KIF26B: variants seen among roughly 807,000 people sequenced by gnomAD.
The protein encoded by KIF26B is kinesin-like protein KIF26B.
KIF26B carries 63 observed loss-of-function variants against 151.2 expected under a neutral mutation model. That is an observed-to-expected ratio of 0.42 (90% CI 0.34 to 0.51). The LOEUF is 0.51. Ranked by LOEUF, KIF26B falls within the 20% of genes least tolerant of loss-of-function variation. KIF26B has a pLI of 0.07. For synonymous variants in KIF26B, 1,357 were observed against 1,262.1 expected, an observed-to-expected ratio of 1.08 and a Z score of -1.59; for missense variants, 2,813 against 2,913.6, an observed-to-expected ratio of 0.97 and a Z score of 0.79.
intron 5 of KIF26B, among the ~76,000 whole-genome samples, chr1:245,583,308 G>GAGT (rs2043194593): frequency 6.6e-6 from 1 of 152,156 alleles, no homozygotes; most frequent in Admixed American, 6.5e-5. Context: ...TTGTGGAGAT[G>GAGT]AGTAACACAC....
chr1:245,664,243 C>T (rs769481309), intron 10 of KIF26B, among the ~76,000 whole-genome samples: 4 of 151,756 alleles, frequency 2.6e-5, no homozygotes, highest in Non-Finnish European at 5.9e-5. Context: ...TGGCGGGCGC[C>T]TGTAATCCCA....
At chr1:245,326,351 T>C (rs1189762590) in intron 2 of KIF26B, among the ~76,000 whole-genome samples, 1 of 152,216 alleles carries the variant, frequency 6.6e-6, no homozygotes, top group South Asian at 2.1e-4. Flanking sequence ...TTAGGGTTAC[T>C]CAGCCAAGAA....
chr1:245,443,853 T>C (rs376300713), intron 4 of KIF26B, among the ~76,000 whole-genome samples: 3 of 35,840 alleles, frequency 8.4e-5, no homozygotes, highest in South Asian at 1.7e-3. Flanking sequence ...TCTCCCTCAC[T>C]GTTCACCCTG....
At position 245,346,232 on chromosome 1, in the gene KIF26B, C is replaced by T. The variant is rs570532301; in HGVS notation, c.466-20602C>T. ...TGCTGGGATAACAGGCGTGAGCCACCGCACCTGGCCCTCAGGTATTTTTTT... is the reference window on the plus strand; with the variant it reads ...TGCTGGGATAACAGGCGTGAGCCACTGCACCTGGCCCTCAGGTATTTTTTT... On this transcript the variant is annotated intron_variant, in intron 2 of 14. Transcript: ENST00000407071. Among the ~76,000 whole-genome samples the T allele has an allele frequency of 5.9e-5, 9 of 151,996 alleles. No homozygotes were observed. The East Asian group carries it at 9.7e-4, about 16-fold the overall frequency.
At chr1:245,447,626 A>G (rs948819199) in intron 4 of KIF26B, among the ~76,000 whole-genome samples, 5 of 152,072 alleles carry the variant, frequency 3.3e-5, no homozygotes, top group Admixed American at 3.3e-4. Flanking sequence ...CAAAATGAGG[A>G]CTAGATAAAA....
At chr1:245,623,050 T>G (rs11585622) in intron 9 of KIF26B, among the ~76,000 whole-genome samples, 49,412 of 131,332 alleles carry the variant, frequency 0.38, 6,024 homozygotes, top group African/African-American at 0.47. Context: ...TTTTTTTTTT[T>G]TTGTTGTTTT....
chr1:245,319,605 C>CT (rs1647610254), intron 2 of KIF26B, among the ~76,000 whole-genome samples: 1 of 151,886 alleles, frequency 6.6e-6, no homozygotes, highest in African/African-American at 2.4e-5. Flanking sequence ...TTTGTCCTCT[C>CT]GTGTGTGTGT....
intron 3 of KIF26B, among the ~76,000 whole-genome samples, chr1:245,402,260 T>C (rs968427305): frequency 1.3e-5 from 2 of 152,222 alleles, no homozygotes; most frequent in African/African-American, 4.8e-5. Context: ...TTCAAGTGGC[T>C]TATTGTAGGT....
intron 3 of KIF26B, among the ~76,000 whole-genome samples, chr1:245,404,004 G>A (rs1445519478): frequency 1.3e-5 from 2 of 152,106 alleles, no homozygotes; most frequent in Non-Finnish European, 2.9e-5. Context: ...CCAGACTCTG[G>A]ATCTGAGAAG....
In KIF26B at chr1:245,597,612, G is replaced by A. The variant is rs1023498898; in HGVS notation, c.1351-4965G>A. On this transcript the variant is annotated intron_variant, in intron 5 of 14. Coordinates refer to ENST00000407071, the MANE Select transcript of KIF26B (RefSeq NM_018012.4). The surrounding 1 kb of genome is among the most constrained non-coding windows in gnomAD (Gnocchi z 4.6). ...GAATCTGACGATTTTGTGTCTTGGG[G>A]TTGCTCTTCTCGAGGAGTATCTTTT... Among the ~76,000 whole-genome samples, 1 of 152,218 alleles carries A rather than the reference G, an allele frequency of 6.6e-6. No homozygotes were observed. Among genetic ancestry groups the A allele is most frequent in the South Asian group, 2.1e-4 (1 of 4,820 alleles).
At chr1:245,554,601 T>G (rs1021908114) in intron 5 of KIF26B, among the ~76,000 whole-genome samples, 2 of 151,966 alleles carry the variant, frequency 1.3e-5, no homozygotes, top group African/African-American at 4.8e-5. Context: ...ATTATGGCCA[T>G]CACTCCGGCT....
Position 245,336,171 on chromosome 1 carries a change from C to T in KIF26B, c.466-30663C>T, listed in dbSNP as rs562489958. ...CCATGCAGGGAAAGAAGGTCCCACGCAGGGAAAGGAGAGTCCCACGCAGGG... is the reference window on the plus strand; with the variant it reads ...CCATGCAGGGAAAGAAGGTCCCACGTAGGGAAAGGAGAGTCCCACGCAGGG... On this transcript the variant is annotated intron_variant, in intron 2 of 14. Transcript: ENST00000407071. Among the ~76,000 whole-genome samples the T allele has an allele frequency of 4.3e-4, 65 of 151,514 alleles. No homozygotes were observed. The South Asian group carries it at 0.013, about 29-fold the overall frequency.
chr1:245,687,567 C>T lies in KIF26B; in HGVS notation c.4584C>T (p.Pro1528=). 1 of 1,565,618 alleles carries T rather than the reference C, an allele frequency of 6.4e-7. No homozygotes were observed. Among genetic ancestry groups the T allele is most frequent in the Non-Finnish European group, 8.7e-7 (1 of 1,155,574 alleles). ...PGLATQSPVH[P]NKSVKSSSLP... is the part of the protein sequence containing the mutation. Reference sequence around the variant, plus strand: ...TGGCCACCCAGAGCCCCGTGCATCCCAACAAAAGCGTCAAGTCCAGCAGCC... The same window carrying T: ...TGGCCACCCAGAGCCCCGTGCATCCTAACAAAAGCGTCAAGTCCAGCAGCC... The change falls in exon 12 of 15, where the codon CCC becomes CCT. Residue 1528 remains proline (P), a synonymous_variant. Coordinates refer to ENST00000407071, the MANE Select transcript of KIF26B (RefSeq NM_018012.4). The surrounding 1 kb of genome is among the most constrained non-coding windows in gnomAD (Gnocchi z 4.9).
At chr1:245,278,017 G>T (rs1325383135) in intron 2 of KIF26B, among the ~76,000 whole-genome samples, 3 of 152,124 alleles carry the variant, frequency 2.0e-5, no homozygotes, top group Admixed American at 6.5e-5. Context: ...ATTAGGAAGG[G>T]GTGGGGTGAA....
chr1:245,172,721 A>G (rs1668735216), intron 2 of KIF26B, among the ~76,000 whole-genome samples: 1 of 152,142 alleles, frequency 6.6e-6, no homozygotes. Context: ...GAGGCAGGAG[A>G]ATTGCTTGAA....
intron 2 of KIF26B, among the ~76,000 whole-genome samples, chr1:245,356,298 G>C (rs1672698835): frequency 6.6e-6 from 1 of 152,194 alleles, no homozygotes. Flanking sequence ...GCTCATGCCT[G>C]TATTCCCAGC....
At chr1:245,521,897 G>A (rs763219929) in intron 4 of KIF26B, among the ~76,000 whole-genome samples, 8 of 147,736 alleles carry the variant, frequency 5.4e-5, no homozygotes, top group Non-Finnish European at 1.2e-4. Context: ...ATGGAGTCTT[G>A]CTCTGTCACC....
At chr1:245,461,483 C>T (rs1659645353) in intron 4 of KIF26B, among the ~76,000 whole-genome samples, 1 of 152,078 alleles carries the variant, frequency 6.6e-6, no homozygotes, top group South Asian at 2.1e-4. Context: ...CATCACGTGT[C>T]CTGCAAGCAT....
intron 9 of KIF26B, among the ~76,000 whole-genome samples, chr1:245,622,922 C>T (rs11591041): frequency 0.35 from 52,907 of 151,280 alleles, 9,402 homozygotes; most frequent in East Asian, 0.39. Flanking sequence ...CCGGCTGCTT[C>T]GTGGAGCTGA....
Sources: gnomAD v4.1 joint callset for allele counts (sites outside exome capture counted in the v4.1 genomes callset) on GRCh38, gnomAD v4.1.1 for gene constraint, Gnocchi (gnomAD v3.1) non-coding constraint, MANE v1.5 for transcripts, NCBI Gene and HGNC (gene_info 2026-07-23, HGNC 2026-07-21) for gene names.